The following DST variants were observed in gnomAD, a reference collection of about 807,000 sequenced individuals.
DST encodes dystonin.
Under a neutral mutation model 875.2 loss-of-function variants are expected in DST, and 253 were observed. The ratio of observed to expected loss-of-function variants is 0.29; its 90% CI spans 0.26 to 0.32. The LOEUF (loss-of-function observed/expected upper bound fraction) is 0.32. DST is among the 10% of genes least tolerant of loss of function. The pLI is 1.00. For synonymous variants in DST, 3,124 were observed against 3,197.1 expected (o/e 0.98, Z 0.77); for missense variants, 8,287 against 9,111.6 (o/e 0.91, Z 3.68).
At chr6:56,636,055 T>G (rs1033785094) in intron 23 of DST, among the ~76,000 whole-genome samples, 2 of 152,078 alleles carry the variant, frequency 1.3e-5, no homozygotes, top group Non-Finnish European at 1.5e-5. Flanking sequence ...AGTTAAATGG[T>G]TATAGATGGT....
chr6:56,937,834 C>T (rs1813811045), intron 2 of DST, among the ~76,000 whole-genome samples: 2 of 152,116 alleles, frequency 1.3e-5, no homozygotes, highest in Admixed American at 6.5e-5. Flanking sequence ...AATGAACAAA[C>T]TACTGATACA....
At chr6:56,464,458 C>A (rs2094484893) in intron 100 of DST, 1 of 547,570 alleles carries the variant, frequency 1.8e-6, no homozygotes, top group East Asian at 2.9e-5. Flanking sequence ...ACCCGGTGAG[C>A]AACGTGTTAG....
At chr6:56,947,310 G>T (rs1820081841) in intron 2 of DST, among the ~76,000 whole-genome samples, 1 of 150,678 alleles carries the variant, frequency 6.6e-6, no homozygotes, top group African/African-American at 2.5e-5. Context: ...GAGTGCAGTG[G>T]CACGATCTTG....
chr6:56,916,778 T>TCTCTCTCTCA (rs1470233953), intron 2 of DST, among the ~76,000 whole-genome samples: 93 of 91,348 alleles, frequency 1.0e-3, no homozygotes, highest in Middle Eastern at 5.6e-3. Flanking sequence ...TCTCTCTCTC[T>TCTCTCTCTCA]CACACACACA....
Position 56,493,032 on chromosome 6 carries a change from A to C in DST, c.20452T>G (p.Phe6818Val), listed in dbSNP as rs1224351959. 1 of 1,612,758 alleles carries C rather than the reference A, an allele frequency of 6.2e-7. No homozygotes were observed. Among genetic ancestry groups the C allele is most frequent in the East Asian group, 2.2e-5 (1 of 44,872 alleles). Reference protein sequence around the residue: ...AMEFHNSLQDFINWLTQAEQT... With the variant: ...AMEFHNSLQDVINWLTQAEQT... Reference sequence around the variant, plus strand: ...TCAGCCTGAGTAAGCCAGTTGATGAAGTCTTGGAGAGAATTGTGGAACTCC... The same window carrying C: ...TCAGCCTGAGTAAGCCAGTTGATGACGTCTTGGAGAGAATTGTGGAACTCC... Residue 6818 changes from phenylalanine to valine, a missense_variant, in exon 84 of 104, where the codon TTC becomes GTC. By Grantham distance (50) the Phe-to-Val change is conservative. Coordinates refer to ENST00000680361, the MANE Select transcript of DST (RefSeq NM_001374736.1).
intron 6 of DST, among the ~76,000 whole-genome samples, chr6:56,703,997 C>CA (rs1376535570): frequency 6.6e-6 from 1 of 151,348 alleles, no homozygotes; most frequent in East Asian, 1.9e-4. Flanking sequence ...TTCTGCTAAG[C>CA]AAAAAAACCC....
In DST at chr6:56,805,322, C is replaced by T. The variant is rs996358785; in HGVS notation, c.625+46075G>A. Among the ~76,000 whole-genome samples the T allele has an allele frequency of 3.3e-5, 5 of 152,046 alleles. 1 individual carries two copies. The highest frequency in any genetic ancestry group is 1.2e-4 in the African/African-American group (5 of 41,400). On this transcript the variant is annotated intron_variant, in intron 4 of 103. Transcript: ENST00000680361. ...CAAGGTCTTTGGAAAATCACATTCA[C>T]TATTGGAAGACAAAATTTCCATGTT...
intron 4 of DST, among the ~76,000 whole-genome samples, chr6:56,824,430 C>A (rs539825579): frequency 3.5e-4 from 53 of 152,338 alleles, no homozygotes; most frequent in African/African-American, 1.2e-3. Flanking sequence ...GCTGCCACCC[C>A]GTCTGGGAAG....
At chr6:56,778,748 GT>G (rs2099685253) in intron 4 of DST, among the ~76,000 whole-genome samples, 1 of 151,846 alleles carries the variant, frequency 6.6e-6, no homozygotes, top group Non-Finnish European at 1.5e-5. Context: ...ATTCCATGGT[GT>G]ATATGTGCCA....
chr6:56,704,505 T>C (rs2152882732), intron 5 of DST, 136 bp from the exon 6 acceptor site: 2 of 523,814 alleles, frequency 3.8e-6, no homozygotes, highest in East Asian at 7.0e-5. Flanking sequence ...ATTTTTAAAA[T>C]GCTTATTACT....
intron 36 of DST, 108 bp downstream of exon 36, chr6:56,624,422 G>A: frequency 1.3e-6 from 1 of 756,726 alleles, no homozygotes. Flanking sequence ...TCTGCTACCG[G>A]CCACATAAAT....
chr6:56,734,960 G>A, intron 5 of DST: 1 of 308,028 alleles, frequency 3.2e-6, no homozygotes, highest in South Asian at 5.6e-5. Context: ...TGAAACTTCT[G>A]AGATTTTATA....
At chr6:56,509,060 G>C (rs879529509) in intron 74 of DST, among the ~76,000 whole-genome samples, 1 of 152,166 alleles carries the variant, frequency 6.6e-6, no homozygotes, top group Non-Finnish European at 1.5e-5. Flanking sequence ...CAAAGGGAGT[G>C]AAATAATCAC....
intron 4 of DST, among the ~76,000 whole-genome samples, chr6:56,758,780 T>A (rs1443916593): frequency 6.6e-6 from 1 of 151,680 alleles, no homozygotes; most frequent in African/African-American, 2.4e-5. Flanking sequence ...TCAAACTACT[T>A]TGTGGTAATT....
At position 56,742,404 on chromosome 6, in the gene DST, T is replaced by C; in HGVS notation, c.626-7115A>G. ...CCGTACAAACTCTGATGTGTCAGAG[T>C]CCTGTTAACTTTCTATGTAGAAAAG... is the stretch of plus-strand genomic sequence containing the variant. On this transcript the variant is annotated intron_variant, in intron 4 of 103. Transcript: ENST00000680361. 4 of 1,255,612 alleles carry C rather than the reference T, an allele frequency of 3.2e-6. No homozygotes were observed. The Admixed American group carries it at 9.2e-5, about 29-fold the overall frequency. 77.8% of individuals were successfully genotyped at this position (1,255,612 alleles called of 1,614,324 possible). A position where few individuals can be genotyped will look rare whatever the true frequency, so the allele number is the denominator to read the frequency against.
At chr6:56,827,298 CAGGTCAAG>C (rs1169250195) in intron 4 of DST, among the ~76,000 whole-genome samples, 1 of 151,912 alleles carries the variant, frequency 6.6e-6, no homozygotes, top group East Asian at 1.9e-4. Flanking sequence ...GGTGGATCAC[CAGGTCAAG>C]AGTTTGAGAC....
At chr6:56,493,943 A>G in intron 83 of DST, 67 bp downstream of exon 83, 5 of 1,334,038 alleles carry the variant, frequency 3.7e-6, no homozygotes, top group Non-Finnish European at 3.9e-6. Context: ...CTACTCAGAA[A>G]TAAGGCCAAG....
At chr6:56,514,546 C>T (rs540768985) in intron 72 of DST, among the ~76,000 whole-genome samples, 1 of 151,060 alleles carries the variant, frequency 6.6e-6, no homozygotes, top group South Asian at 2.1e-4. Flanking sequence ...CTCTCTCCCT[C>T]TCTCCCTCCT....
At chr6:56,883,518 T>C (rs1298139880) in intron 3 of DST, among the ~76,000 whole-genome samples, 1 of 152,158 alleles carries the variant, frequency 6.6e-6, no homozygotes, top group African/African-American at 2.4e-5. Flanking sequence ...CTTTTAATAA[T>C]AAATATCTAA....
Sources: allele counts gnomAD v4.1 joint callset (sites outside exome capture counted in the v4.1 genomes callset), GRCh38; gene constraint gnomAD v4.1.1; transcripts MANE v1.5; gene names NCBI Gene and HGNC (gene_info 2026-07-23, HGNC 2026-07-21).